Variants in SORCS1 observed in about 807,000 individuals in gnomAD.
SORCS1 encodes VPS10 domain-containing receptor SorCS1.
SORCS1 carries 60 observed loss-of-function variants against 146.1 expected under a neutral mutation model. The ratio of observed to expected loss-of-function variants is 0.41; its 90% confidence interval spans 0.33 to 0.51. The LOEUF (loss-of-function observed/expected upper bound fraction) is 0.51. Among genes scored for constraint, SORCS1 ranks in the 20% least tolerant of loss-of-function variants. The pLI is 0.21. For synonymous variants in SORCS1, 637 were observed against 584.0 expected, an observed-to-expected ratio of 1.09 and a Z score of -1.31; for missense variants, 1,352 against 1,487.6, an observed-to-expected ratio of 0.91 and a Z score of 1.50.
At chr10:107,098,712 A>G (rs1964707116) in intron 1 of SORCS1, among the ~76,000 whole-genome samples, 1 of 152,210 alleles carries the variant, frequency 6.6e-6, no homozygotes, top group Non-Finnish European at 1.5e-5. Flanking sequence ...CCTTGAAGAT[A>G]TTGCTCTAAA....
At chr10:107,142,020 G>A (rs1477753319) in intron 1 of SORCS1, among the ~76,000 whole-genome samples, 1 of 152,190 alleles carries the variant, frequency 6.6e-6, no homozygotes, top group African/African-American at 2.4e-5. Context: ...AGATAAAGTG[G>A]AGGAGGAAAA....
intron 6 of SORCS1, among the ~76,000 whole-genome samples, chr10:106,725,274 GC>G (rs1041516067): frequency 6.6e-6 from 1 of 152,164 alleles, no homozygotes; most frequent in Non-Finnish European, 1.5e-5. Context: ...ATGGGGTCGG[GC>G]GCAGTGGCTC....
At chr10:106,662,676 G>A (rs1331757419) in intron 17 of SORCS1, among the ~76,000 whole-genome samples, 1 of 152,184 alleles carries the variant, frequency 6.6e-6, no homozygotes, top group Non-Finnish European at 1.5e-5. Context: ...GCAGGCATTG[G>A]CATCTGGGCT....
At chr10:106,993,201 A>C (rs1295987019) in intron 1 of SORCS1, among the ~76,000 whole-genome samples, 2 of 151,908 alleles carry the variant, frequency 1.3e-5, no homozygotes, top group African/African-American at 4.8e-5. Context: ...CATTCTAAGC[A>C]ACTCTTTAGA....
intron 22 of SORCS1, among the ~76,000 whole-genome samples, chr10:106,610,804 C>T (rs563720986): frequency 1.4e-4 from 21 of 152,288 alleles, no homozygotes; most frequent in African/African-American, 3.1e-4. Flanking sequence ...AAGGGGCCGA[C>T]GCAGTGGCTC....
intron 1 of SORCS1, among the ~76,000 whole-genome samples, chr10:107,007,898 C>T (rs553643904): frequency 6.6e-6 from 1 of 152,106 alleles, no homozygotes; most frequent in Non-Finnish European, 1.5e-5. Flanking sequence ...GCCAAAAGGC[C>T]AGGAGGTGAT....
chr10:106,963,208 C>T (rs1031817136), intron 1 of SORCS1, among the ~76,000 whole-genome samples: 3 of 145,900 alleles, frequency 2.1e-5, no homozygotes, highest in East Asian at 2.1e-4. Context: ...CTCCGCCTCC[C>T]GGGTTCACGC....
chr10:106,964,172 C>T (rs1342995498), intron 1 of SORCS1, among the ~76,000 whole-genome samples: 4 of 152,126 alleles, frequency 2.6e-5, no homozygotes, highest in African/African-American at 9.7e-5. Flanking sequence ...TGAGCAGGGA[C>T]CCAACACAAT....
intron 2 of SORCS1, among the ~76,000 whole-genome samples, chr10:106,847,869 T>G (rs1268657923): frequency 1.3e-5 from 2 of 150,024 alleles, no homozygotes; most frequent in Middle Eastern, 3.4e-3. Context: ...GAGCAGGTTG[T>G]TCAGTTTCCA....
chr10:107,115,242 GA>G (rs998466175), intron 1 of SORCS1, among the ~76,000 whole-genome samples: 208 of 137,250 alleles, frequency 1.5e-3, no homozygotes, highest in East Asian at 5.4e-3. Context: ...CATGAAAACA[GA>G]AAAAAAAAAA....
chr10:107,076,625 T>C (rs1962904559), intron 1 of SORCS1, among the ~76,000 whole-genome samples: 2 of 152,212 alleles, frequency 1.3e-5, no homozygotes, highest in Admixed American at 6.5e-5. Flanking sequence ...CACTATCCTG[T>C]TGTGAGTCAA....
intron 22 of SORCS1, among the ~76,000 whole-genome samples, chr10:106,608,110 C>T (rs978524423): frequency 6.6e-6 from 1 of 152,218 alleles, no homozygotes; most frequent in African/African-American, 2.4e-5. Context: ...CCCAGCTTCT[C>T]TCTCCAGCAG....
chr10:106,784,056 T>G (rs993453326), intron 3 of SORCS1, among the ~76,000 whole-genome samples: 1 of 152,108 alleles, frequency 6.6e-6, no homozygotes, highest in Non-Finnish European at 1.5e-5. Context: ...CAGTGCAGAA[T>G]ATGGAATATT....
At position 107,008,573 on chromosome 10, in the gene SORCS1, C is replaced by T. The variant is rs74154821; in HGVS notation, c.559-51993G>A. Among the ~76,000 whole-genome samples the T allele has an allele frequency of 5.5e-3, 844 of 152,200 alleles. 12 individuals are homozygous for T. Among genetic ancestry groups the T allele is most frequent in the African/African-American group, 0.019 (803 of 41,506 alleles). On this transcript the variant is annotated intron_variant, in intron 1 of 25. Coordinates refer to ENST00000263054, the MANE Select transcript of SORCS1 (RefSeq NM_052918.5). ...AGATTGATGAATAGGTTGTGTTAAA[C>T]GGTACAATTAGAAACAATATTTGAT... is the stretch of plus-strand genomic sequence containing the variant.
At position 106,685,024 on chromosome 10, in the gene SORCS1, A is replaced by C. The variant is rs192019314; in HGVS notation, c.1560+3168T>G. Among the ~76,000 whole-genome samples the C allele has an allele frequency of 1.0e-3, 159 of 152,298 alleles. 1 individual carries two copies. The highest frequency in any genetic ancestry group is 3.7e-3 in the African/African-American group (153 of 41,576). ...AAACAACAGGGTTAACTAAGAAGGA[A>C]GGCTGGAAAACTCCCGAGTTCCATA... On this transcript the variant is annotated intron_variant, in intron 10 of 25. Coordinates refer to ENST00000263054, the MANE Select transcript of SORCS1 (RefSeq NM_052918.5).
intron 18 of SORCS1, among the ~76,000 whole-genome samples, chr10:106,632,487 C>T (rs528911235): frequency 5.3e-5 from 8 of 152,168 alleles, no homozygotes; most frequent in South Asian, 2.1e-4. Context: ...AATAAGAAAC[C>T]GAGCAAAGGG....
chr10:106,820,563 G>A (rs1355038295), intron 3 of SORCS1, among the ~76,000 whole-genome samples: 2 of 152,278 alleles, frequency 1.3e-5, no homozygotes, highest in East Asian at 3.9e-4. Context: ...TTCTCCAGGG[G>A]AGAAATAGTG....
intron 2 of SORCS1, among the ~76,000 whole-genome samples, chr10:106,933,140 C>G (rs1378143740): frequency 6.6e-6 from 1 of 152,194 alleles, no homozygotes; most frequent in African/African-American, 2.4e-5. Context: ...GATGGGAGAA[C>G]ATGTTCACTG....
intron 1 of SORCS1, among the ~76,000 whole-genome samples, chr10:107,103,336 C>T (rs1395842157): frequency 6.6e-6 from 1 of 152,176 alleles, no homozygotes; most frequent in Non-Finnish European, 1.5e-5. Flanking sequence ...TGGCTTTTGT[C>T]ATTGTGGATG....
Sources: allele counts gnomAD v4.1 joint callset (sites outside exome capture counted in the v4.1 genomes callset), GRCh38; gene constraint gnomAD v4.1.1; transcripts MANE v1.5; gene names NCBI Gene and HGNC (gene_info 2026-07-23, HGNC 2026-07-21).